RASAL2: variants seen among roughly 807,000 people sequenced by gnomAD.
RASAL2 encodes the protein RAS protein activator like 2.
Under a neutral mutation model 128.9 loss-of-function variants are expected in RASAL2, and 58 were observed. The ratio of observed to expected loss-of-function variants is 0.45; its 90% CI spans 0.36 to 0.56. RASAL2 has a LOEUF of 0.56. Ranked by LOEUF, RASAL2 falls within the 20% of genes least tolerant of loss-of-function variation. RASAL2 has a pLI of 0.00. For synonymous variants in RASAL2, 561 were observed against 580.8 expected (o/e 0.97, Z 0.49); for missense variants, 1,360 against 1,601.6 (o/e 0.85, Z 2.57).
chr1:178,245,862 A>C (rs944429210), intron 1 of RASAL2, among the ~76,000 whole-genome samples: 4 of 152,144 alleles, frequency 2.6e-5, no homozygotes, highest in African/African-American at 9.7e-5. Context: ...AGGTTTGTCA[A>C]AGATCAGATG....
intron 1 of RASAL2, among the ~76,000 whole-genome samples, chr1:178,264,879 T>C (rs181412787): frequency 4.6e-5 from 7 of 152,312 alleles, no homozygotes; most frequent in Admixed American, 4.6e-4. Context: ...TCCAACCCTC[T>C]AATCACAGGG....
At chr1:178,413,656 A>G (rs1674557818) in intron 4 of RASAL2, among the ~76,000 whole-genome samples, 1 of 152,214 alleles carries the variant, frequency 6.6e-6, no homozygotes, top group Non-Finnish European at 1.5e-5. Flanking sequence ...CAAGCATCAG[A>G]ACCATCCTCA....
At chr1:178,226,563 A>G (rs1048322357) in intron 1 of RASAL2, among the ~76,000 whole-genome samples, 3 of 152,220 alleles carry the variant, frequency 2.0e-5, no homozygotes, top group East Asian at 1.9e-4. Context: ...GTACTACACA[A>G]TTGATATTAA....
chr1:178,452,370 T>C, intron 10 of RASAL2, 46 bp from the exon 11 acceptor site: 1 of 1,510,770 alleles, frequency 6.6e-7, no homozygotes, highest in African/African-American at 1.4e-5. Flanking sequence ...GTGCTTGTAC[T>C]GGTACTTCTG....
chr1:178,247,746 C>G (rs528051771), intron 1 of RASAL2, among the ~76,000 whole-genome samples: 1 of 152,284 alleles, frequency 6.6e-6, no homozygotes, highest in Admixed American at 6.5e-5. Context: ...TTAGCTGTAT[C>G]CCAGAGATTC....
chr1:178,169,141 C>A (rs567901614), intron 1 of RASAL2, among the ~76,000 whole-genome samples: 5 of 152,124 alleles, frequency 3.3e-5, no homozygotes, highest in Admixed American at 6.6e-5. Context: ...TACCATTTGT[C>A]AATTTTCTGA....
intron 1 of RASAL2, among the ~76,000 whole-genome samples, chr1:178,226,410 A>T (rs1663789736): frequency 6.6e-6 from 1 of 152,196 alleles, no homozygotes; most frequent in African/African-American, 2.4e-5. Flanking sequence ...TACTAAGGAT[A>T]AAAGCCATTT....
At chr1:178,219,647 AGAAAG>A (rs1475270026) in intron 1 of RASAL2, among the ~76,000 whole-genome samples, 3 of 146,012 alleles carry the variant, frequency 2.1e-5, no homozygotes, top group Admixed American at 6.7e-5. Context: ...AAAAAAAAAA[AGAAAG>A]AAAGAAAGAA....
intron 3 of RASAL2, among the ~76,000 whole-genome samples, chr1:178,327,927 A>C (rs1399839336): frequency 1.3e-5 from 2 of 152,146 alleles, no homozygotes; most frequent in Non-Finnish European, 2.9e-5. Flanking sequence ...GATTGGAGTA[A>C]AGCAGACACA....
intron 3 of RASAL2, chr1:178,372,278 T>G: frequency 1.0e-6 from 1 of 985,380 alleles, no homozygotes; most frequent in Non-Finnish European, 1.2e-6. Flanking sequence ...GCGGAGTGGT[T>G]GGATAGTAGC....
At chr1:178,289,338 T>G (rs1041907162) in intron 2 of RASAL2, among the ~76,000 whole-genome samples, 14 of 152,174 alleles carry the variant, frequency 9.2e-5, no homozygotes, top group African/African-American at 3.1e-4. Context: ...TTTACAGATT[T>G]CTCTTCTTCT....
intron 3 of RASAL2, among the ~76,000 whole-genome samples, chr1:178,371,162 T>G (rs1042081405): frequency 5.9e-5 from 9 of 151,830 alleles, no homozygotes; most frequent in African/African-American, 2.2e-4. Context: ...GAAATAATCT[T>G]AAGTCAAACC....
At chr1:178,107,894 T>G (rs189010807) in intron 1 of RASAL2, among the ~76,000 whole-genome samples, 21 of 152,366 alleles carry the variant, frequency 1.4e-4, no homozygotes, top group Middle Eastern at 3.4e-3. Context: ...ATTTTGTCTG[T>G]TTTGAATAAT....
chr1:178,411,628 G>T, intron 4 of RASAL2: 1 of 769,740 alleles, frequency 1.3e-6, no homozygotes. Context: ...GTGGCTGAAG[G>T]AGAGAAATGT....
chr1:178,133,097 A>T (rs1474276904), intron 1 of RASAL2, among the ~76,000 whole-genome samples: 1 of 152,190 alleles, frequency 6.6e-6, no homozygotes, highest in African/African-American at 2.4e-5. Context: ...TACTTTTAGA[A>T]GAGTTTGAGG....
Position 178,327,038 on chromosome 1 carries a change from A to G in RASAL2, c.457+26920A>G, listed in dbSNP as rs182679404. Among the ~76,000 whole-genome samples, 60 of 152,350 alleles carry G rather than the reference A, an allele frequency of 3.9e-4. No homozygotes were observed. The East Asian group carries it at 0.011, about 27-fold the overall frequency. On this transcript the variant is annotated intron_variant, in intron 3 of 17. Coordinates refer to ENST00000367649, the MANE Select transcript of RASAL2 (RefSeq NM_170692.4). ...TCTTAATAAAGGACAAGTTTCATATAGTAATATTGTCCAGGTAAATAGAAC... is the reference window on the plus strand; with the variant it reads ...TCTTAATAAAGGACAAGTTTCATATGGTAATATTGTCCAGGTAAATAGAAC...
At chr1:178,113,498 A>C (rs1316598733) in intron 1 of RASAL2, among the ~76,000 whole-genome samples, 1 of 129,486 alleles carries the variant, frequency 7.7e-6, no homozygotes, top group Admixed American at 8.0e-5. Context: ...GTGTGTGGGC[A>C]TGCATGCCTG....
intron 3 of RASAL2, among the ~76,000 whole-genome samples, chr1:178,359,122 G>A (rs145167204): frequency 0.011 from 1,689 of 152,244 alleles, 32 homozygotes; most frequent in African/African-American, 0.039. Flanking sequence ...AAAGTAAATT[G>A]TCTCCCAAAT....
At chr1:178,386,553 G>A (rs1186490142) in intron 3 of RASAL2, among the ~76,000 whole-genome samples, 2 of 152,086 alleles carry the variant, frequency 1.3e-5, no homozygotes, top group Non-Finnish European at 2.9e-5. Flanking sequence ...ATATCCAATG[G>A]CAAAGGAAAT....
Sources: allele counts gnomAD v4.1 joint callset (sites outside exome capture counted in the v4.1 genomes callset), GRCh38; gene constraint gnomAD v4.1.1; transcripts MANE v1.5; gene names NCBI Gene and HGNC (gene_info 2026-07-23, HGNC 2026-07-21).